SNTB1: variants seen among roughly 807,000 people sequenced by gnomAD.
SNTB1 encodes syntrophin beta 1.
A neutral mutation model predicts 48.9 loss-of-function variants in SNTB1; 36 were observed. The observed-to-expected ratio is 0.74, with a 90% CI of 0.56 to 0.97. The LOEUF is 0.97. Among genes scored for constraint, SNTB1 ranks in the 50% least tolerant of loss-of-function variants. The pLI is 0.00. For synonymous variants in SNTB1, 299 were observed against 294.6 expected, an observed-to-expected ratio of 1.01 and a Z score of -0.15; for missense variants, 786 against 703.4, an observed-to-expected ratio of 1.12 and a Z score of -1.33.
chr8:120,682,881 T>G lies in SNTB1; in HGVS notation c.788+10811A>C, dbSNP rs1012232531. Among the ~76,000 whole-genome samples the G allele has an allele frequency of 3.6e-4, 31 of 87,068 alleles. No homozygotes were observed. The African/African-American group carries it at 4.6e-3, about 13-fold the overall frequency. The allele number at this position is 87,068 out of a possible 152,430, so 57.1% of individuals were successfully genotyped here. ...CTCATAGTTTTTTGTTTGTTTTTAG[T>G]TTTTTTTTTTTTTTTTTTGAGATGG... On this transcript the variant is annotated intron_variant, in intron 2 of 6. Transcript: ENST00000517992.
chr8:120,668,307 G>A (rs1316470992), intron 2 of SNTB1, among the ~76,000 whole-genome samples: 1 of 152,186 alleles, frequency 6.6e-6, no homozygotes, highest in East Asian at 1.9e-4. Context: ...TGATGTCCAA[G>A]GTTTTGAGCA....
At chr8:120,652,500 G>A (rs1347408458) in intron 2 of SNTB1, among the ~76,000 whole-genome samples, 1 of 151,968 alleles carries the variant, frequency 6.6e-6, no homozygotes, top group East Asian at 1.9e-4. Flanking sequence ...CCATCGAGAG[G>A]GAAGGACTTG....
chr8:120,640,417 C>T (rs200884070), intron 2 of SNTB1, among the ~76,000 whole-genome samples: 23 of 152,234 alleles, frequency 1.5e-4, no homozygotes, highest in East Asian at 5.8e-4. Flanking sequence ...AACACTATGT[C>T]GAATAGGAGT....
At chr8:120,591,120 G>A (rs1374712020) in intron 3 of SNTB1, among the ~76,000 whole-genome samples, 2 of 152,164 alleles carry the variant, frequency 1.3e-5, no homozygotes, top group Non-Finnish European at 2.9e-5. Flanking sequence ...CAGCCTAAAA[G>A]TCAGCATCGT....
chr8:120,679,909 G>C (rs1013199625), intron 2 of SNTB1, among the ~76,000 whole-genome samples: 1 of 151,666 alleles, frequency 6.6e-6, no homozygotes, highest in Non-Finnish European at 1.5e-5. Context: ...GTACACAGTA[G>C]GTATAGACAC....
chr8:120,792,090 G>C (rs1041055851), intron 1 of SNTB1, among the ~76,000 whole-genome samples: 15 of 148,598 alleles, frequency 1.0e-4, no homozygotes, highest in African/African-American at 3.5e-4. Flanking sequence ...ATATATATGA[G>C]TACTAAAGAA....
chr8:120,809,716 G>T (rs1820395031), intron 1 of SNTB1, among the ~76,000 whole-genome samples: 1 of 151,794 alleles, frequency 6.6e-6, no homozygotes, highest in African/African-American at 2.4e-5. Flanking sequence ...CCTGCCCCTT[G>T]TCACACAAAC....
intron 2 of SNTB1, among the ~76,000 whole-genome samples, chr8:120,670,128 G>T (rs1268776419): frequency 6.6e-6 from 1 of 152,166 alleles, no homozygotes. Flanking sequence ...CCTATTATGT[G>T]CTTTAGGACA....
Position 120,809,703 on chromosome 8 carries a change from C to T in SNTB1, c.571+1570G>A, listed in dbSNP as rs542642490. 2.0e-5 allele frequency among the ~76,000 whole-genome samples: 3 copies of T among 152,130 alleles called. No individual in the cohort carries two copies. The South Asian group carries it at 6.2e-4, about 32-fold the overall frequency. On this transcript the variant is annotated intron_variant, in intron 1 of 6. Transcript: ENST00000517992. The stretch of plus-strand genomic sequence containing the variant: ...GTCCAAATAACACTTGCCCCAGATC[C>T]CACCTGCCCCTTGTCACACAAACCA...
chr8:120,644,625 G>C (rs1432179779), intron 2 of SNTB1, among the ~76,000 whole-genome samples: 2 of 151,964 alleles, frequency 1.3e-5, no homozygotes, highest in Non-Finnish European at 2.9e-5. Flanking sequence ...ATAAACATGC[G>C]TGTGCATGTG....
chr8:120,577,398 G>A (rs1295704076), intron 3 of SNTB1, among the ~76,000 whole-genome samples: 1 of 152,206 alleles, frequency 6.6e-6, no homozygotes, highest in Non-Finnish European at 1.5e-5. Context: ...CAGAACAACA[G>A]CATCTTCAAT....
At chr8:120,736,083 G>A (rs1317011170) in intron 1 of SNTB1, among the ~76,000 whole-genome samples, 1 of 152,108 alleles carries the variant, frequency 6.6e-6, no homozygotes, top group African/African-American at 2.4e-5. Flanking sequence ...GGGAAGCAAG[G>A]CACCTTCTTC....
intron 2 of SNTB1, chr8:120,654,862 C>A: frequency 2.5e-6 from 1 of 404,556 alleles, no homozygotes; most frequent in Non-Finnish European, 4.8e-6. Flanking sequence ...AACCTGACAA[C>A]AAAAGTTTCA....
chr8:120,755,169 TGTGA>T lies in SNTB1; in HGVS notation c.571+56100_571+56103del, dbSNP rs1447646272. 1.6e-3 allele frequency among the ~76,000 whole-genome samples: 187 copies of T among 119,864 alleles called. 1 individual carries two copies. The highest frequency in any genetic ancestry group is 4.5e-3 in the African/African-American group (147 of 32,906). The allele number at this position is 119,864 out of a possible 152,430, so 78.6% of individuals were successfully genotyped here. A position where few individuals can be genotyped will look rare whatever the true frequency, so the allele number is the denominator to read the frequency against. ...GTGTGTGTGTGTGTGTGTGTGTGTG[TGTGA>T]GAGAGAGAGAGAGAGCGAGAGAGAG... On this transcript the variant is annotated intron_variant, in intron 1 of 6. Coordinates refer to ENST00000517992, the MANE Select transcript of SNTB1 (RefSeq NM_021021.4).
intron 1 of SNTB1, among the ~76,000 whole-genome samples, chr8:120,756,258 G>A (rs1006640809): frequency 9.9e-5 from 15 of 152,060 alleles, no homozygotes; most frequent in Non-Finnish European, 1.9e-4. Flanking sequence ...TTCTTACACT[G>A]GAATGTACAT....
chr8:120,575,116 G>A lies in SNTB1; in HGVS notation c.1106C>T (p.Pro369Leu). ...GGCAAGAAGAGGGTATGTGTGAACT[G>A]GGCTGAACCAGGCTTCCTTCCTCCG... ...MPRRKEAWFS[P>L]VHTYPLLATR... is the part of the protein sequence containing the mutation. The change falls in exon 4 of 7, where the codon CCA becomes CTA. Residue 369 changes from proline to leucine, a missense_variant. Transcript: ENST00000517992. The A allele has an allele frequency of 2.5e-6, 4 of 1,614,152 alleles. No individual in the cohort carries two copies. The highest frequency in any genetic ancestry group is 3.4e-6 in the Non-Finnish European group (4 of 1,180,016).
At chr8:120,790,848 T>C (rs1820017893) in intron 1 of SNTB1, among the ~76,000 whole-genome samples, 1 of 151,774 alleles carries the variant, frequency 6.6e-6, no homozygotes, top group Non-Finnish European at 1.5e-5. Flanking sequence ...TCAATTTCTA[T>C]CAAAATGTCA....
At chr8:120,637,929 GGCTTCAATAC>G (rs1264432248) in intron 2 of SNTB1, 2 of 224,426 alleles carry the variant, frequency 8.9e-6, no homozygotes, top group African/African-American at 2.3e-5. Context: ...AAGCTTCTTT[GGCTTCAATAC>G]GCTTAACTTT....
At chr8:120,780,846 C>T (rs1236249059) in intron 1 of SNTB1, among the ~76,000 whole-genome samples, 2 of 152,156 alleles carry the variant, frequency 1.3e-5, no homozygotes, top group Non-Finnish European at 2.9e-5. Flanking sequence ...TAGATAATTT[C>T]CCTTTTTATA....
Sources: allele counts gnomAD v4.1 joint callset (sites outside exome capture counted in the v4.1 genomes callset), GRCh38; gene constraint gnomAD v4.1.1; transcripts MANE v1.5; gene names NCBI Gene and HGNC (gene_info 2026-07-23, HGNC 2026-07-21).